Variants in DMD observed in about 807,000 individuals in gnomAD.
The protein encoded by DMD is dystrophin.
DMD carries 63 observed loss-of-function variants against 330.1 expected under a neutral mutation model. The ratio of observed to expected loss-of-function variants is 0.19; its 90% confidence interval spans 0.16 to 0.24. The LOEUF (loss-of-function observed/expected upper bound fraction) is 0.24, where lower values mean the gene tolerates loss of function less well. Ranked by LOEUF, DMD falls within the 10% of genes least tolerant of loss-of-function variation. The probability of loss-of-function intolerance (pLI) is 1.00; values close to 1 mark genes in which losing one functional copy is unlikely to be tolerated. For missense variants in DMD, 3,344 were observed against 2,684.1 expected, an observed-to-expected ratio of 1.25 and a Z score of -5.43; for synonymous variants, 1,223 against 959.8, an observed-to-expected ratio of 1.27 and a Z score of -5.07.
intron 44 of DMD, among the ~76,000 whole-genome samples, chrX:32,192,725 T>C (rs2897204): frequency 0.42 from 45,870 of 110,408 alleles, 7,143 homozygotes; most frequent in African/African-American, 0.51. Flanking sequence ...ATAATGGCCT[T>C]AAGGACTACA....
intron 18 of DMD, among the ~76,000 whole-genome samples, chrX:32,511,530 A>AAT (rs2045329427): frequency 6.6e-5 from 7 of 105,742 alleles, no homozygotes; most frequent in Admixed American, 4.1e-4. Context: ...TCGGGAAAAA[A>AAT]AAAAAAAAAA....
At chrX:32,935,014 A>G (rs1300382773) in intron 2 of DMD, among the ~76,000 whole-genome samples, 2 of 113,033 alleles carry the variant, frequency 1.8e-5, no homozygotes, top group Non-Finnish European at 3.8e-5. Flanking sequence ...GAGTGAGTGC[A>G]CTTCCCCAGG....
intron 55 of DMD, among the ~76,000 whole-genome samples, chrX:31,571,293 G>GTGTGTGTGTGTGTC (rs1270504323): frequency 3.8e-5 from 4 of 106,410 alleles, no homozygotes; most frequent in African/African-American, 1.4e-4. Flanking sequence ...GTGTGTGTGT[G>GTGTGTGTGTGTGTC]TATAGAAAAC....
intron 7 of DMD, among the ~76,000 whole-genome samples, chrX:32,700,712 G>A (rs1160887412): frequency 9.0e-6 from 1 of 111,267 alleles, no homozygotes; most frequent in Non-Finnish European, 1.9e-5. Flanking sequence ...AAAAATCAAA[G>A]ATAAAAGATA....
intron 19 of DMD, among the ~76,000 whole-genome samples, chrX:32,492,854 C>G (rs2043137128): frequency 1.8e-5 from 2 of 111,448 alleles, no homozygotes; most frequent in Admixed American, 1.9e-4. Flanking sequence ...TTTTATGTTC[C>G]CTCATGTACC....
intron 1 of DMD, among the ~76,000 whole-genome samples, chrX:33,239,211 CCCACCACTGCACTCCAG>C (rs1225311267): frequency 3.1e-5 from 3 of 96,974 alleles, no homozygotes; most frequent in Admixed American, 1.2e-4. Flanking sequence ...GAGCCGAGAT[CCCACCACTGCACTCCAG>C]CCACCACTGA....
Position 33,069,933 on chromosome X carries a change from G to A in DMD, c.32-49733C>T, listed in dbSNP as rs749580332. ...GCTCAAGCTGAAAGGTAAACAAATC[G>A]GATAGAAGCATCATTTGAGCTCAAG... On this transcript the variant is annotated intron_variant, in intron 1 of 78. Transcript: ENST00000357033. 1.7e-4 allele frequency among the ~76,000 whole-genome samples: 19 copies of A among 111,621 alleles called. No homozygotes were observed. In the South Asian group the frequency reaches 7.1e-3, roughly 42 times the overall value.
chrX:32,432,294 T>C (rs2098241632), intron 29 of DMD, among the ~76,000 whole-genome samples: 1 of 111,691 alleles, frequency 9.0e-6, no homozygotes, highest in Non-Finnish European at 1.9e-5. Context: ...ATATTTCTTT[T>C]CCATCAAATG....
intron 44 of DMD, among the ~76,000 whole-genome samples, chrX:32,022,064 A>G (rs1163025844): frequency 1.8e-5 from 2 of 112,092 alleles, no homozygotes; most frequent in Non-Finnish European, 1.9e-5. Flanking sequence ...TTTTTAAAGT[A>G]GTAGGTATAC....
At chrX:31,583,607 T>C (rs193118874) in intron 55 of DMD, among the ~76,000 whole-genome samples, 3 of 110,782 alleles carry the variant, frequency 2.7e-5, no homozygotes, top group East Asian at 2.9e-4. Flanking sequence ...GCAGCTCTGC[T>C]ACATTTTCTT....
In DMD at chrX:32,508,960, G is replaced by A. The variant is rs539755722; in HGVS notation, c.2293-7118C>T. ...TGAGTAGCTGGGACTACAGGCGCCC[G>A]CAACCATGCCCGGCTAATTTTTTGT... is the stretch of plus-strand genomic sequence containing the variant. On this transcript the variant is annotated intron_variant, in intron 18 of 78. Coordinates refer to ENST00000357033, the MANE Select transcript of DMD (RefSeq NM_004006.3). Among the ~76,000 whole-genome samples, 8 of 109,567 alleles carry A rather than the reference G, an allele frequency of 7.3e-5. No homozygotes were observed. In the South Asian group the frequency reaches 2.0e-3, roughly 27 times the overall value.
intron 47 of DMD, among the ~76,000 whole-genome samples, chrX:31,918,953 T>A (rs1392360982): frequency 8.9e-6 from 1 of 112,333 alleles, no homozygotes; most frequent in African/African-American, 3.2e-5. Context: ...TCTTTCTTAA[T>A]TATTTTAGTA....
chrX:32,491,217 G>A, intron 20 of DMD, 60 bp downstream of exon 20: 5 of 1,182,942 alleles, frequency 4.2e-6, no homozygotes, highest in Non-Finnish European at 1.1e-6. Context: ...CTGTCTTCTT[G>A]GAAATTGCCA....
chrX:32,434,016 TG>T (rs1227829305), intron 29 of DMD, among the ~76,000 whole-genome samples: 1 of 111,844 alleles, frequency 8.9e-6, no homozygotes, highest in Non-Finnish European at 1.9e-5. Context: ...CCTTTTGAAG[TG>T]ATGGAAATAA....
At chrX:32,435,426 T>C (rs1481227648) in intron 29 of DMD, among the ~76,000 whole-genome samples, 2 of 107,531 alleles carry the variant, frequency 1.9e-5, no homozygotes, top group African/African-American at 6.7e-5. Flanking sequence ...ACTGTGTTCC[T>C]GGAACCATAG....
At chrX:31,407,732 G>A (rs2061466474) in intron 60 of DMD, among the ~76,000 whole-genome samples, 2 of 109,339 alleles carry the variant, frequency 1.8e-5, no homozygotes, top group South Asian at 4.0e-4. Flanking sequence ...CATCCGCCTC[G>A]GCCTCTCAAA....
intron 41 of DMD, among the ~76,000 whole-genome samples, chrX:32,316,467 C>A (rs185510280): frequency 9.0e-6 from 1 of 111,114 alleles, no homozygotes; most frequent in African/African-American, 3.3e-5. Context: ...TTAATGAAGA[C>A]GGATCTATTG....
chrX:32,409,061 T>C (rs1168131078), intron 30 of DMD, among the ~76,000 whole-genome samples: 5 of 111,488 alleles, frequency 4.5e-5, no homozygotes, highest in Non-Finnish European at 9.4e-5. Flanking sequence ...TTTTATTTCA[T>C]GGGAATTTCG....
intron 1 of DMD, among the ~76,000 whole-genome samples, chrX:33,217,197 CTTTAG>C (rs912881696): frequency 1.8e-5 from 2 of 111,148 alleles, no homozygotes. Flanking sequence ...TAAAAAATCT[CTTTAG>C]TTAAGTCCAA....
Sources: allele counts gnomAD v4.1 joint callset (sites outside exome capture counted in the v4.1 genomes callset), GRCh38; gene constraint gnomAD v4.1.1; transcripts MANE v1.5; gene names NCBI Gene and HGNC (gene_info 2026-07-23, HGNC 2026-07-21).